RNASE6: variants seen among roughly 807,000 people sequenced by gnomAD.
The protein encoded by RNASE6 is ribonuclease A family member 6.
For missense variants in RNASE6, 197 were observed against 181.9 expected (o/e 1.08, Z -0.48); for synonymous variants, 64 against 63.6 (o/e 1.01, Z -0.03).
chr14:20,781,782 T>G lies in RNASE6; in HGVS notation c.83T>G (p.Leu28Arg). 1 of 1,614,184 alleles carries G rather than the reference T, an allele frequency of 6.2e-7. No homozygotes were observed. Among genetic ancestry groups the G allele is most frequent in the South Asian group, 1.1e-5 (1 of 91,084 alleles). Residue 28 changes from leucine to arginine, a missense_variant, in exon 2 of 2, where the codon CTC becomes CGC. Physicochemically the swap from Leu to Arg is moderately radical, Grantham distance 102. Coordinates refer to ENST00000304677, the MANE Select transcript of RNASE6 (RefSeq NM_005615.5). ...VCPLHAWPKR[L>R]TKAHWFEIQH... is the part of the protein sequence containing the mutation. ...CCACTTCATGCTTGGCCTAAGCGTC[T>G]CACCAAGGCTCACTGGTTTGAAATT...
rs755161747 is a variant in RNASE6 at position 20,781,741 on chromosome 14, A to G, written c.42A>G (p.Leu14=). ...CFPLLLLLLV[L]WGPVCPLHAW... The stretch of plus-strand genomic sequence containing the variant: ...CTCTTCTTTTACTGCTGCTGGTTCT[A>G]TGGGGACCAGTGTGTCCACTTCATG... Residue 14 remains leucine, a synonymous_variant, in exon 2 of 2, where the codon CTA becomes CTG. Coordinates refer to ENST00000304677, the MANE Select transcript of RNASE6 (RefSeq NM_005615.5). 12 of 1,613,756 alleles carry G rather than the reference A, an allele frequency of 7.4e-6. No individual in the cohort carries two copies. Among genetic ancestry groups the G allele is most frequent in the East Asian group, 2.2e-5 (1 of 44,902 alleles).
rs1267269494 is a variant in RNASE6, at chr14:20,781,978, C to T, written c.279C>T (p.His93=). 4 of 1,614,088 alleles carry T rather than the reference C, an allele frequency of 2.5e-6. No individual in the cohort carries two copies. The African/African-American group carries it at 4.0e-5, about 16-fold the overall frequency. Residue 93 remains histidine (H), a synonymous_variant, in exon 2 of 2, where the codon CAC becomes CAT. Transcript: ENST00000304677. ...GCAAAAATCGTCGGCACAACTGCCACCAGAGCTCAAAGCCTGTCAACATGA... is the reference window on the plus strand; with the variant it reads ...GCAAAAATCGTCGGCACAACTGCCATCAGAGCTCAAAGCCTGTCAACATGA... ...IVCKNRRHNC[H]QSSKPVNMTD... is the part of the protein sequence containing the mutation.
chr14:20,781,832 C>T lies in RNASE6; in HGVS notation c.133C>T (p.Gln45Ter), dbSNP rs764706916. 3 of 1,614,184 alleles carry T rather than the reference C, an allele frequency of 1.9e-6. No individual in the cohort carries two copies. Among genetic ancestry groups the T allele is most frequent in the Non-Finnish European group, 2.5e-6 (3 of 1,180,018 alleles). The change falls in exon 2 of 2, where the codon CAA becomes TAA. Residue 45 changes from glutamine to a stop codon, truncating the protein, a stop_gained. Coordinates refer to ENST00000304677, the MANE Select transcript of RNASE6 (RefSeq NM_005615.5). LOFTEE classifies it low-confidence loss of function (END_TRUNC). ...EIQHIQPSPL[Q>*]CNRAMSGINN... ...TCAGCATATACAGCCAAGTCCTCTC[C>T]AATGCAACAGGGCAATGAGTGGCAT...
At chr14:20,781,638 A>C in intron 1 of RNASE6, 57 bp from the exon 2 acceptor site, 3 of 1,316,140 alleles carry the variant, frequency 2.3e-6, no homozygotes, top group Non-Finnish European at 3.1e-6. Context: ...AGTTATGATT[A>C]AAAATTTTGC....
rs771415338 is a variant in RNASE6, at chr14:20,781,900, G to T, written c.201G>T (p.Leu67=). Reference sequence around the variant, plus strand: ...ACTGTAAGCATCAAAATACCTTTCTGCATGACTCTTTCCAGAATGTGGCTG... The same window carrying T: ...ACTGTAAGCATCAAAATACCTTTCTTCATGACTCTTTCCAGAATGTGGCTG... ...TQHCKHQNTF[L]HDSFQNVAAV... The change falls in exon 2 of 2, where the codon CTG becomes CTT. Residue 67 remains leucine (L), a synonymous_variant. Transcript: ENST00000304677. 2 of 1,614,186 alleles carry T rather than the reference G, an allele frequency of 1.2e-6. No individual in the cohort carries two copies. The highest frequency in any genetic ancestry group is 1.7e-6 in the Non-Finnish European group (2 of 1,180,042).
rs934175119 is a variant in RNASE6 at position 20,782,427 on chromosome 14, C to G, written c.*275C>G. 7 of 445,520 alleles carry G rather than the reference C, an allele frequency of 1.6e-5. No homozygotes were observed. The South Asian group carries it at 2.4e-4, about 15-fold the overall frequency. The allele number at this position is 445,520 out of a possible 1,614,324, so 27.6% of individuals were successfully genotyped here. ...GCAACTTTTGCCAAGCTTTATTGCC[C>G]TGTGTTCACAGCAATAAAACCACTT... On this transcript the variant is annotated 3_prime_UTR_variant, in exon 2 of 2. Transcript: ENST00000304677.
Position 20,782,037 on chromosome 14 carries a change from A to T in RNASE6, c.338A>T (p.Gln113Leu), listed in dbSNP as rs79927643. ...DCRLTSGKYP[Q>L]CRYSAAAQYK... ...AGACTCACTTCAGGAAAGTATCCCC[A>T]GTGCCGCTATAGTGCTGCTGCCCAG... is the stretch of plus-strand genomic sequence containing the variant. The change falls in exon 2 of 2, where the codon CAG (glutamine) becomes CTG (leucine). Residue 113 changes from glutamine (Q) to leucine (L), a missense_variant. Gln to Leu is a moderately radical substitution (Grantham distance 113, BLOSUM62 -2). Coordinates refer to ENST00000304677, the MANE Select transcript of RNASE6 (RefSeq NM_005615.5). The T allele has an allele frequency of 2.2e-4, 361 of 1,614,214 alleles. 1 individual carries two copies. The African/African-American group carries it at 4.1e-3, about 18-fold the overall frequency.
In RNASE6 at chr14:20,782,040, G is replaced by A; in HGVS notation, c.341G>A (p.Cys114Tyr). The part of the protein sequence containing the change: ...CRLTSGKYPQ[C>Y]RYSAAAQYKF... ...CTCACTTCAGGAAAGTATCCCCAGTGCCGCTATAGTGCTGCTGCCCAGTAC... is the reference window on the plus strand; with the variant it reads ...CTCACTTCAGGAAAGTATCCCCAGTACCGCTATAGTGCTGCTGCCCAGTAC... Residue 114 changes from cysteine to tyrosine, a missense_variant, in exon 2 of 2, where the codon TGC (cysteine) becomes TAC (tyrosine). Coordinates refer to ENST00000304677, the MANE Select transcript of RNASE6 (RefSeq NM_005615.5). 6.2e-7 allele frequency: 1 copy of A among 1,614,194 alleles called. No individual in the cohort carries two copies. The highest frequency in any genetic ancestry group is 8.5e-7 in the Non-Finnish European group (1 of 1,180,020).
In RNASE6 at chr14:20,781,993, T is replaced by C; in HGVS notation, c.294T>C (p.Pro98=). The C allele has an allele frequency of 6.2e-7, 1 of 1,614,220 alleles. No individual in the cohort carries two copies. The highest frequency in any genetic ancestry group is 8.5e-7 in the Non-Finnish European group (1 of 1,180,032). Residue 98 remains proline, a synonymous_variant, in exon 2 of 2, where the codon CCT becomes CCC. Transcript: ENST00000304677. ...ACAACTGCCACCAGAGCTCAAAGCC[T>C]GTCAACATGACTGACTGCAGACTCA... ...RRHNCHQSSK[P]VNMTDCRLTS...
chr14:20,781,940 C>T lies in RNASE6; in HGVS notation c.241C>T (p.Leu81Phe), dbSNP rs1267450105. The T allele has an allele frequency of 6.2e-7, 1 of 1,614,220 alleles. No homozygotes were observed. The highest frequency in any genetic ancestry group is 8.5e-7 in the Non-Finnish European group (1 of 1,180,036). The change falls in exon 2 of 2, where the codon CTC becomes TTC. Residue 81 changes from leucine to phenylalanine, a missense_variant. Leu to Phe is a conservative substitution (Grantham distance 22). Transcript: ENST00000304677. ...GAATGTGGCTGCTGTCTGTGATTTGCTCAGCATTGTCTGCAAAAATCGTCG... is the reference window on the plus strand; with the variant it reads ...GAATGTGGCTGCTGTCTGTGATTTGTTCAGCATTGTCTGCAAAAATCGTCG... ...FQNVAAVCDL[L>F]SIVCKNRRHN...
chr14:20,781,671 A>G, intron 1 of RNASE6, 24 bp from the exon 2 acceptor site: 1 of 1,528,522 alleles, frequency 6.5e-7, no homozygotes, highest in Non-Finnish European at 8.8e-7. Context: ...TCCTACTATA[A>G]CTATCTTCTC....
At chr14:20,781,542 G>A (rs531103609) in intron 1 of RNASE6, among the ~76,000 whole-genome samples, 153 bp from the exon 2 acceptor site, 1 of 152,158 alleles carries the variant, frequency 6.6e-6, no homozygotes, top group Non-Finnish European at 1.5e-5. Context: ...TGGGCTTCAG[G>A]TTCTTCATAG....
At position 20,781,594 on chromosome 14, in the gene RNASE6, G is replaced by A. The variant is rs774687923; in HGVS notation, c.-5-101G>A. The A allele has an allele frequency of 2.8e-5, 26 of 914,424 alleles. No individual in the cohort carries two copies. The Admixed American group carries it at 3.4e-4, about 12-fold the overall frequency. 56.6% of individuals were successfully genotyped at this position (914,424 alleles called of 1,614,324 possible). On this transcript the variant is annotated intron_variant, in intron 1 of 1. Coordinates refer to ENST00000304677, the MANE Select transcript of RNASE6 (RefSeq NM_005615.5). ...GAGAAAGAAGATTTTAAAGGGAGCT[G>A]TAAAATCTTAAAAGGCAAAATAAAA...
rs1878673467 is a variant in RNASE6, at chr14:20,782,077, T to C, written c.378T>C (p.Ile126=). The C allele has an allele frequency of 1.2e-6, 2 of 1,614,152 alleles. No individual in the cohort carries two copies. Among genetic ancestry groups the C allele is most frequent in the Non-Finnish European group, 1.7e-6 (2 of 1,180,014 alleles). The change falls in exon 2 of 2, where the codon ATT becomes ATC. Residue 126 remains isoleucine, a synonymous_variant. Coordinates refer to ENST00000304677, the MANE Select transcript of RNASE6 (RefSeq NM_005615.5). ...YSAAAQYKFF[I]VACDPPQKSD... ...CTGCTGCCCAGTACAAATTCTTCAT[T>C]GTTGCCTGTGACCCCCCTCAGAAGA...
Position 20,782,135 on chromosome 14 carries a change from TTAGA to T in RNASE6, c.440_443del (p.Asp147ValfsTer13). The T allele has an allele frequency of 6.3e-7, 1 of 1,596,980 alleles. No individual in the cohort carries two copies. Among genetic ancestry groups the T allele is most frequent in the Non-Finnish European group, 8.5e-7 (1 of 1,170,226 alleles). On this transcript the variant is annotated frameshift_variant, in exon 2 of 2. Transcript: ENST00000304677. LOFTEE classifies it high-confidence loss of function. ...CCCCTACAAGTTGGTTCCTGTACAC[TTAGA>T]TAGTATTCTCTAAGGCATCCACTGC...
chr14:20,782,350 C>A lies in RNASE6; in HGVS notation c.*198C>A, dbSNP rs78750001. 3.4e-6 allele frequency: 2 copies of A among 589,126 alleles called. No individual in the cohort carries two copies. Among genetic ancestry groups the A allele is most frequent in the Non-Finnish European group, 6.0e-6 (2 of 334,750 alleles). The allele number at this position is 589,126 out of a possible 1,614,324, so 36.5% of individuals were successfully genotyped here. On this transcript the variant is annotated 3_prime_UTR_variant, in exon 2 of 2. Coordinates refer to ENST00000304677, the MANE Select transcript of RNASE6 (RefSeq NM_005615.5). ...TTCTGCTTTGTAGTTCTGTACTTTT[C>A]GAGAGAAGGGAATAGGGAAGACAGC...
At chr14:20,781,668 A>G (rs368386304) in intron 1 of RNASE6, 27 bp from the exon 2 acceptor site, 136 of 1,523,692 alleles carry the variant, frequency 8.9e-5, no homozygotes, top group South Asian at 3.0e-4. Flanking sequence ...TTCTCCTACT[A>G]TAACTATCTT....
Position 20,782,443 on chromosome 14 carries a change from A to G in RNASE6, c.*291A>G, listed in dbSNP as rs911447708. 42 of 374,062 alleles carry G rather than the reference A, an allele frequency of 1.1e-4. No homozygotes were observed. Among genetic ancestry groups the G allele is most frequent in the African/African-American group, 7.7e-4 (37 of 48,208 alleles). 23.2% of individuals were successfully genotyped at this position (374,062 alleles called of 1,614,324 possible). ...TTTATTGCCCTGTGTTCACAGCAAT[A>G]AAACCACTTCCTGCTGCATTCTAAT... On this transcript the variant is annotated 3_prime_UTR_variant, in exon 2 of 2. Transcript: ENST00000304677.
At chr14:20,781,640 A>G in intron 1 of RNASE6, 55 bp from the exon 2 acceptor site, 2 of 1,370,268 alleles carry the variant, frequency 1.5e-6, no homozygotes, top group Middle Eastern at 1.9e-4. Context: ...TTATGATTAA[A>G]AATTTTGCTC....
Sources: gnomAD v4.1 joint callset for allele counts (sites outside exome capture counted in the v4.1 genomes callset) on GRCh38, gnomAD v4.1.1 for gene constraint, MANE v1.5 for transcripts, NCBI Gene and HGNC (gene_info 2026-07-23, HGNC 2026-07-21) for gene names.